The following CDH20 variants were observed in gnomAD, a reference collection of about 807,000 sequenced individuals.
The protein encoded by CDH20 is cadherin-20.
In CDH20, 29 loss-of-function variants were observed where a neutral mutation model predicts 74.2. That is an observed-to-expected ratio of 0.39 (90% confidence interval 0.29 to 0.53). The LOEUF (loss-of-function observed/expected upper bound fraction) is 0.53. Ranked by LOEUF, CDH20 falls within the 20% of genes least tolerant of loss-of-function variation. The pLI, the probability that CDH20 is intolerant of heterozygous loss-of-function variation, is 0.69. For missense variants in CDH20, 988 were observed against 1,048.3 expected (o/e 0.94, Z 0.79); for synonymous variants, 469 against 405.4 (o/e 1.16, Z -1.88).
intron 2 of CDH20, among the ~76,000 whole-genome samples, chr18:61,492,567 G>C (rs995283263): frequency 1.3e-5 from 2 of 152,170 alleles, no homozygotes; most frequent in African/African-American, 4.8e-5. Flanking sequence ...ATCCACCCAT[G>C]GCCCATGCTA....
intron 1 of CDH20, among the ~76,000 whole-genome samples, chr18:61,457,476 G>A (rs9964241): frequency 0.55 from 82,782 of 151,866 alleles, 23,748 homozygotes; most frequent in African/African-American, 0.73. Flanking sequence ...TACTTGCCCA[G>A]AATATCCTGG....
chr18:61,529,234 C>T (rs1424247897), intron 7 of CDH20, among the ~76,000 whole-genome samples: 1 of 152,230 alleles, frequency 6.6e-6, no homozygotes, highest in African/African-American at 2.4e-5. Flanking sequence ...TAAAATGAAT[C>T]TGGGGCTTTA....
At chr18:61,517,047 C>A (rs1431006600) in intron 6 of CDH20, among the ~76,000 whole-genome samples, 1 of 151,968 alleles carries the variant, frequency 6.6e-6, no homozygotes. Context: ...CAATTGGATA[C>A]CATTTGCAAA....
At chr18:61,459,862 A>G (rs1163400477) in intron 1 of CDH20, among the ~76,000 whole-genome samples, 1 of 152,162 alleles carries the variant, frequency 6.6e-6, no homozygotes. Context: ...ATGGTGCTAT[A>G]CTGACAACTG....
rs900021948 is a variant in CDH20, at chr18:61,406,433, G to A, written c.-153+72606G>A. On this transcript the variant is annotated intron_variant, in intron 1 of 11. Transcript: ENST00000262717. ...TGCCAGGCACTGTTCTAGGTATGAAGGCTTCAGCCATAAACAAGACAGATG... is the reference window on the plus strand; with the variant it reads ...TGCCAGGCACTGTTCTAGGTATGAAAGCTTCAGCCATAAACAAGACAGATG... Among the ~76,000 whole-genome samples, 11 of 152,304 alleles carry A rather than the reference G, an allele frequency of 7.2e-5. No homozygotes were observed. In the South Asian group the frequency reaches 2.3e-3, roughly 32 times the overall value.
chr18:61,475,030 A>G (rs921289852), intron 1 of CDH20, among the ~76,000 whole-genome samples: 10 of 152,124 alleles, frequency 6.6e-5, no homozygotes, highest in African/African-American at 2.4e-4. Flanking sequence ...CCTGTCAAGT[A>G]TAGATTTTAT....
intron 1 of CDH20, among the ~76,000 whole-genome samples, chr18:61,366,557 T>C (rs1471278076): frequency 6.6e-6 from 1 of 152,140 alleles, no homozygotes; most frequent in African/African-American, 2.4e-5. Flanking sequence ...TAGCAGGTGG[T>C]ATGAGTTAAA....
chr18:61,440,764 T>C (rs907416564), intron 1 of CDH20, among the ~76,000 whole-genome samples: 2 of 152,090 alleles, frequency 1.3e-5, no homozygotes, highest in African/African-American at 4.8e-5. Flanking sequence ...CTTGTTCTCA[T>C]GGTGTGAGTC....
At chr18:61,339,098 A>G (rs1203981228) in intron 1 of CDH20, among the ~76,000 whole-genome samples, 3 of 152,106 alleles carry the variant, frequency 2.0e-5, no homozygotes, top group Non-Finnish European at 4.4e-5. Context: ...AGTAATAATT[A>G]TTGGTGATAT....
chr18:61,500,465 T>G lies in CDH20; in HGVS notation c.624T>G (p.Leu208=). ...GNSARVVYSI[L]QGQPYFSVDS... is the part of the protein sequence containing the mutation. The stretch of plus-strand genomic sequence containing the variant: ...GTGCCAGGGTGGTGTACAGCATTCT[T>G]CAGGGCCAGCCATATTTTTCTGTGG... Residue 208 remains leucine (L), a synonymous_variant, in exon 4 of 12, where the codon CTT becomes CTG. Transcript: ENST00000262717. 1 of 1,612,376 alleles carries G rather than the reference T, an allele frequency of 6.2e-7. No individual in the cohort carries two copies. Among genetic ancestry groups the G allele is most frequent in the Non-Finnish European group, 8.5e-7 (1 of 1,178,838 alleles).
At chr18:61,549,290 A>G (rs1199567926) in intron 10 of CDH20, among the ~76,000 whole-genome samples, 1 of 152,232 alleles carries the variant, frequency 6.6e-6, no homozygotes, top group Non-Finnish European at 1.5e-5. Context: ...AAACTGGAGG[A>G]AAGATTTCTA....
chr18:61,351,329 G>C (rs563767840), intron 1 of CDH20, among the ~76,000 whole-genome samples: 2 of 152,178 alleles, frequency 1.3e-5, no homozygotes, highest in South Asian at 4.2e-4. Context: ...AGTCTCAGGT[G>C]GGGGTTCAGC....
chr18:61,406,867 A>G (rs1727771204), intron 1 of CDH20, among the ~76,000 whole-genome samples: 1 of 151,968 alleles, frequency 6.6e-6, no homozygotes, highest in African/African-American at 2.4e-5. Flanking sequence ...TCTCCTCCCA[A>G]CACAGAAAAC....
intron 1 of CDH20, among the ~76,000 whole-genome samples, chr18:61,363,058 T>A (rs1387408163): frequency 2.6e-5 from 4 of 152,172 alleles, no homozygotes; most frequent in Non-Finnish European, 5.9e-5. Context: ...GGAGAGCAGA[T>A]GCACCTTTTA....
Position 61,507,485 on chromosome 18 carries a change from G to A in CDH20, c.942G>A (p.Val314=). 6.2e-7 allele frequency: 1 copy of A among 1,613,930 alleles called. No homozygotes were observed. The highest frequency in any genetic ancestry group is 8.5e-7 in the Non-Finnish European group (1 of 1,179,924). ...ATGCAGAGATGAAATATACTATTGT[G>A]GATGGAGATGGTGCAGATGCCTTTG... The part of the protein sequence containing the change: ...GINAEMKYTI[V]DGDGADAFDI... The change falls in exon 6 of 12, where the codon GTG becomes GTA. Residue 314 remains valine, a synonymous_variant. Transcript: ENST00000262717.
chr18:61,339,127 G>C (rs1909852056), intron 1 of CDH20, among the ~76,000 whole-genome samples: 2 of 152,140 alleles, frequency 1.3e-5, no homozygotes, highest in East Asian at 1.9e-4. Flanking sequence ...GGACGTGAGG[G>C]GGGTGAGAAA....
rs1359605631 is a variant in CDH20 at position 61,528,098 on chromosome 18, G to A, written c.1149G>A (p.Val383=). ...CAGTGCACATCAGTGTGGAAGACGT[G>A]GACGAGCCCCCTGTGTTTGAACCTG... ...TTTVHISVED[V]DEPPVFEPGF... Residue 383 remains valine, a synonymous_variant, in exon 7 of 12, where the codon GTG becomes GTA. Transcript: ENST00000262717. 4 of 1,614,040 alleles carry A rather than the reference G, an allele frequency of 2.5e-6. No homozygotes were observed. Among genetic ancestry groups the A allele is most frequent in the Non-Finnish European group, 3.4e-6 (4 of 1,180,030 alleles).
chr18:61,501,631 T>C (rs1911388020), intron 4 of CDH20, among the ~76,000 whole-genome samples: 1 of 152,190 alleles, frequency 6.6e-6, no homozygotes. Context: ...CGAATTTTTT[T>C]CCCAGAAGTC....
At chr18:61,429,565 A>G (rs1453776317) in intron 1 of CDH20, among the ~76,000 whole-genome samples, 1 of 152,162 alleles carries the variant, frequency 6.6e-6, no homozygotes, top group Non-Finnish European at 1.5e-5. Flanking sequence ...TGTAGCCACA[A>G]CTTAATTTTC....
Sources: allele counts gnomAD v4.1 joint callset (sites outside exome capture counted in the v4.1 genomes callset), GRCh38; gene constraint gnomAD v4.1.1; transcripts MANE v1.5; gene names NCBI Gene and HGNC (gene_info 2026-07-23, HGNC 2026-07-21).